The following TIAM2 variants were observed in gnomAD, a reference collection of about 807,000 sequenced individuals.
TIAM2 encodes TIAM Rac1 associated GEF 2, also known as rho guanine nucleotide exchange factor TIAM2.
TIAM2 carries 80 observed loss-of-function variants against 152.9 expected under a neutral mutation model. The ratio of observed to expected loss-of-function variants is 0.52; its 90% confidence interval spans 0.44 to 0.63. The LOEUF is 0.63. Among genes scored for constraint, TIAM2 ranks in the 30% least tolerant of loss-of-function variants. TIAM2 has a pLI of 0.00. For synonymous variants in TIAM2, 804 were observed against 838.0 expected, an observed-to-expected ratio of 0.96 and a Z score of 0.70; for missense variants, 1,965 against 2,120.1, an observed-to-expected ratio of 0.93 and a Z score of 1.44.
At chr6:155,043,659 G>GA (rs1178145153) in intron 1 of TIAM2, among the ~76,000 whole-genome samples, 1 of 139,838 alleles carries the variant, frequency 7.2e-6, no homozygotes, top group South Asian at 2.2e-4. Context: ...AAAAAAAAAG[G>GA]ATCTGTAAGG....
chr6:155,187,573 C>CCCTGTT, intron 14 of TIAM2, among the ~76,000 whole-genome samples: 1 of 49,622 alleles, frequency 2.0e-5, no homozygotes, highest in South Asian at 9.5e-4. Context: ...ACCCCGCCCC[C>CCCTGTT]TTTTTTTTTT....
intron 1 of TIAM2, among the ~76,000 whole-genome samples, chr6:155,054,873 G>A (rs559755745): frequency 3.9e-5 from 6 of 152,334 alleles, no homozygotes; most frequent in Admixed American, 3.9e-4. Context: ...ATTGGTGAAA[G>A]AGAAGGCAGG....
chr6:155,124,724 C>T (rs1413746569), intron 2 of TIAM2, among the ~76,000 whole-genome samples: 1 of 152,134 alleles, frequency 6.6e-6, no homozygotes, highest in Non-Finnish European at 1.5e-5. Flanking sequence ...GTTGCTATCC[C>T]CTTTTTAGAC....
Position 155,103,123 on chromosome 6 carries a change from T to C in TIAM2, c.-118+12744T>C, listed in dbSNP as rs546357979. ...GAAAGATCAAGTCTAGTTTTATGAT[T>C]TGGAACTCTCTGGTTTTTGTAATTT... On this transcript the variant is annotated intron_variant, in intron 2 of 26. Transcript: ENST00000682666. 5.8e-4 allele frequency among the ~76,000 whole-genome samples: 88 copies of C among 152,336 alleles called. 1 individual carries two copies. The highest frequency in any genetic ancestry group is 2.0e-3 in the African/African-American group (85 of 41,574).
At position 155,123,519 on chromosome 6, in the gene TIAM2, T is replaced by G. The variant is rs529476070; in HGVS notation, c.-117-3971T>G. ...TCCAGTAGAGGATGGGGGTCTCCTGTGTTTTTAGAAATATCCCATGAAATA... is the reference window on the plus strand; with the variant it reads ...TCCAGTAGAGGATGGGGGTCTCCTGGGTTTTTAGAAATATCCCATGAAATA... On this transcript the variant is annotated intron_variant, in intron 2 of 26. Transcript: ENST00000682666. Among the ~76,000 whole-genome samples the G allele has an allele frequency of 2.0e-5, 3 of 152,350 alleles. No homozygotes were observed. The East Asian group carries it at 5.8e-4, about 29-fold the overall frequency.
At chr6:155,133,739 C>CT (rs35077380) in intron 4 of TIAM2, among the ~76,000 whole-genome samples, 24,123 of 144,574 alleles carry the variant, frequency 0.17, 4,458 homozygotes, top group African/African-American at 0.46. Flanking sequence ...AGTTTTTACT[C>CT]TTTTTTTTTT....
chr6:155,234,546 G>A (rs1182515759), intron 15 of TIAM2, among the ~76,000 whole-genome samples: 1 of 152,216 alleles, frequency 6.6e-6, no homozygotes, highest in Non-Finnish European at 1.5e-5. Context: ...GGGACCATAG[G>A]CGTGTGCCAC....
chr6:155,148,382 G>A (rs892926222), intron 7 of TIAM2, 48 bp downstream of exon 7: 1 of 1,542,874 alleles, frequency 6.5e-7, no homozygotes, highest in African/African-American at 1.4e-5. Flanking sequence ...CATGTCACTT[G>A]TGCAGTGACT....
intron 6 of TIAM2, among the ~76,000 whole-genome samples, chr6:155,145,829 C>T (rs1056892977): frequency 2.0e-5 from 3 of 152,136 alleles, no homozygotes; most frequent in African/African-American, 7.2e-5. Context: ...GGTTAAGCTC[C>T]CTGGGCCTTT....
intron 15 of TIAM2, among the ~76,000 whole-genome samples, chr6:155,238,457 C>T (rs571183940): frequency 6.6e-6 from 1 of 152,280 alleles, no homozygotes; most frequent in East Asian, 1.9e-4. Context: ...TTCAGCAGTG[C>T]CCCCGACTCA....
chr6:154,997,255 C>A (rs1454070375), intron 1 of TIAM2, among the ~76,000 whole-genome samples: 1 of 152,210 alleles, frequency 6.6e-6, no homozygotes, highest in Non-Finnish European at 1.5e-5. Context: ...CTCTAGGAAG[C>A]TTTTCTTCCT....
chr6:155,125,807 C>T (rs1730621874), intron 2 of TIAM2, among the ~76,000 whole-genome samples: 1 of 151,338 alleles, frequency 6.6e-6, no homozygotes, highest in African/African-American at 2.4e-5. Context: ...CACTGCACTC[C>T]AGCCTGGACG....
At chr6:155,116,030 C>A (rs1284266019) in intron 2 of TIAM2, among the ~76,000 whole-genome samples, 4 of 152,128 alleles carry the variant, frequency 2.6e-5, no homozygotes, top group South Asian at 4.1e-4. Context: ...TTGAACCTGG[C>A]AGGCAGAGGT....
intron 2 of TIAM2, among the ~76,000 whole-genome samples, chr6:155,105,929 C>G (rs1362109723): frequency 6.6e-6 from 1 of 151,886 alleles, no homozygotes; most frequent in Non-Finnish European, 1.5e-5. Flanking sequence ...ATCATCCCGC[C>G]TCCACAATAA....
Position 155,256,511 on chromosome 6 carries a change from A to G in TIAM2, c.4496A>G (p.Lys1499Arg), listed in dbSNP as rs1254703015. 1 of 1,614,118 alleles carries G rather than the reference A, an allele frequency of 6.2e-7. No individual in the cohort carries two copies. The highest frequency in any genetic ancestry group is 2.2e-5 in the East Asian group (1 of 44,898). ...LASSRSLKVL[K>R]NSSSNEWTGE... ...TCATCCAGGTCTTTAAAAGTCCTGA[A>G]GAATTCCTCCAGCAACGAGTGGACC... The change falls in exon 27 of 27, where the codon AAG becomes AGG. Residue 1499 changes from lysine (K) to arginine (R), a missense_variant. Lys to Arg is a conservative substitution (Grantham distance 26). Coordinates refer to ENST00000682666, the MANE Select transcript of TIAM2 (RefSeq NM_012454.4).
intron 2 of TIAM2, among the ~76,000 whole-genome samples, chr6:155,108,965 C>T (rs1778763980): frequency 6.6e-6 from 1 of 151,970 alleles, no homozygotes; most frequent in Non-Finnish European, 1.5e-5. Context: ...TTAGTGAGAT[C>T]CCTTAGTTCA....
At chr6:155,018,266 CAGAT>C (rs1337422023) in intron 1 of TIAM2, among the ~76,000 whole-genome samples, 1 of 147,452 alleles carries the variant, frequency 6.8e-6, no homozygotes, top group Non-Finnish European at 1.5e-5. Flanking sequence ...TATGTGTGTG[CAGAT>C]AGATATATAT....
intron 12 of TIAM2, 63 bp downstream of exon 12, chr6:155,179,519 G>A: frequency 6.8e-7 from 1 of 1,475,294 alleles, no homozygotes; most frequent in Non-Finnish European, 9.1e-7. Context: ...CTTTGCCCCA[G>A]CATCTTTGGA....
Position 155,028,879 on chromosome 6 carries a change from T to C in TIAM2, c.-209+33387T>C, listed in dbSNP as rs1244255016. Among the ~76,000 whole-genome samples, 2 of 118,248 alleles carry C rather than the reference T, an allele frequency of 1.7e-5. 1 individual carries two copies. The highest frequency in any genetic ancestry group is 4.8e-4 in the East Asian group (2 of 4,172). 77.6% of individuals were successfully genotyped at this position (118,248 alleles called of 152,430 possible). On this transcript the variant is annotated intron_variant, in intron 1 of 26. Coordinates refer to ENST00000682666, the MANE Select transcript of TIAM2 (RefSeq NM_012454.4). ...CACTGTATATACTATCTATACTATG[T>C]TATATATACACTGTATATACTATCT...
Sources: allele counts gnomAD v4.1 joint callset (sites outside exome capture counted in the v4.1 genomes callset), GRCh38; gene constraint gnomAD v4.1.1; transcripts MANE v1.5; gene names NCBI Gene and HGNC (gene_info 2026-07-23, HGNC 2026-07-21).